CDK13: variants seen among roughly 807,000 people sequenced by gnomAD.
The protein encoded by CDK13 is cyclin-dependent kinase 13.
A neutral mutation model predicts 137.6 loss-of-function variants in CDK13; 40 were observed. The observed-to-expected ratio is 0.29, with a 90% CI of 0.23 to 0.38. The LOEUF (loss-of-function observed/expected upper bound fraction) is 0.38, where lower values mean the gene tolerates loss of function less well. Ranked by LOEUF, CDK13 falls within the 10% of genes least tolerant of loss-of-function variation. The probability of loss-of-function intolerance (pLI) is 1.00; values close to 1 mark genes in which losing one functional copy is unlikely to be tolerated. For synonymous variants in CDK13, 869 were observed against 760.1 expected, an observed-to-expected ratio of 1.14 and a Z score of -2.36; for missense variants, 1,704 against 1,951.8, an observed-to-expected ratio of 0.87 and a Z score of 2.39.
intron 2 of CDK13, among the ~76,000 whole-genome samples, chr7:39,992,089 A>ACG (rs1784467392): frequency 2.2e-5 from 1 of 45,642 alleles, no homozygotes; most frequent in Admixed American, 1.9e-4. Flanking sequence ...ACACACACAC[A>ACG]CACACACACA....
chr7:40,093,494 T>G (rs1329135571), intron 13 of CDK13, among the ~76,000 whole-genome samples: 1 of 152,198 alleles, frequency 6.6e-6, no homozygotes, highest in African/African-American at 2.4e-5. Flanking sequence ...AGAAATAATA[T>G]TTAACTCCAA....
rs368124735 is a variant in CDK13, at chr7:39,952,205, C to T, written c.1211+353C>T. 3.3e-4 allele frequency: 65 copies of T among 198,184 alleles called. 1 individual carries two copies. In the South Asian group the frequency reaches 0.012, roughly 37 times the overall value. 12.3% of individuals were successfully genotyped at this position (198,184 alleles called of 1,614,324 possible). ...GGGTAAACCTAGAGGTGGTTTAAGTCTTAATTTTGAAAGTTCTGTGAAGAG... is the reference window on the plus strand; with the variant it reads ...GGGTAAACCTAGAGGTGGTTTAAGTTTTAATTTTGAAAGTTCTGTGAAGAG... On this transcript the variant is annotated intron_variant, in intron 1 of 13. Coordinates refer to ENST00000181839, the MANE Select transcript of CDK13 (RefSeq NM_003718.5).
intron 12 of CDK13, among the ~76,000 whole-genome samples, chr7:40,089,356 C>T (rs2150545040): frequency 6.6e-6 from 1 of 150,768 alleles, no homozygotes; most frequent in East Asian, 1.9e-4. Context: ...ACGATAATTG[C>T]TTGAACCCAG....
Position 39,950,826 on chromosome 7 carries a change from C to A in CDK13, c.185C>A (p.Ala62Asp). The A allele has an allele frequency of 1.4e-6, 2 of 1,417,324 alleles. No individual in the cohort carries two copies. Among genetic ancestry groups the A allele is most frequent in the South Asian group, 1.5e-5 (1 of 67,464 alleles). 87.8% of individuals were successfully genotyped at this position (1,417,324 alleles called of 1,614,324 possible). The change falls in exon 1 of 14, where the codon GCT (alanine) becomes GAT (aspartate). Residue 62 changes from alanine to aspartate, a missense_variant. Coordinates refer to ENST00000181839, the MANE Select transcript of CDK13 (RefSeq NM_003718.5). ...PPPPPPLLFLAAPGTAAAAAA... is the reference protein window; with the variant it reads ...PPPPPPLLFLDAPGTAAAAAA... ...CCCCCGCCGCCTCTGCTCTTCCTGGCTGCTCCCGGCACGGCCGCCGCCGCA... is the reference window on the plus strand; with the variant it reads ...CCCCCGCCGCCTCTGCTCTTCCTGGATGCTCCCGGCACGGCCGCCGCCGCA...
At chr7:40,039,459 C>T (rs867151355) in intron 5 of CDK13, among the ~76,000 whole-genome samples, 29 of 29,258 alleles carry the variant, frequency 9.9e-4, no homozygotes, top group Middle Eastern at 0.033. Flanking sequence ...TTTTTTTTTG[C>T]GACAGAGTGT....
At chr7:40,007,342 A>G (rs1398064463) in intron 5 of CDK13, among the ~76,000 whole-genome samples, 3 of 152,204 alleles carry the variant, frequency 2.0e-5, no homozygotes, top group African/African-American at 4.8e-5. Context: ...CTGATTCCCA[A>G]ACAGTGTTAG....
chr7:40,049,169 A>T (rs1785820252), intron 7 of CDK13: 1 of 134,898 alleles, frequency 7.4e-6, no homozygotes, highest in Non-Finnish European at 1.6e-5. Flanking sequence ...TACTCCAGCA[A>T]GACTGTCTCC....
At chr7:40,090,314 A>G (rs1212720490) in intron 12 of CDK13, among the ~76,000 whole-genome samples, 1 of 152,164 alleles carries the variant, frequency 6.6e-6, no homozygotes, top group Non-Finnish European at 1.5e-5. Flanking sequence ...CTTACTTTAC[A>G]ACCCTGTTTT....
intron 1 of CDK13, among the ~76,000 whole-genome samples, chr7:39,979,100 T>C (rs1283829051): frequency 6.6e-6 from 1 of 152,124 alleles, no homozygotes; most frequent in Non-Finnish European, 1.5e-5. Flanking sequence ...GGACATGTAA[T>C]AATCGCTGAA....
intron 12 of CDK13, among the ~76,000 whole-genome samples, 174 bp downstream of exon 12, chr7:40,088,505 T>G (rs1786841475): frequency 1.3e-5 from 2 of 152,240 alleles, no homozygotes. Context: ...GCACCACAAT[T>G]TTAAGTAATC....
Position 40,094,628 on chromosome 7 carries a change from T to C in CDK13, c.4187T>C (p.Phe1396Ser), listed in dbSNP as rs1457618352. 6.2e-7 allele frequency: 1 copy of C among 1,614,160 alleles called. No homozygotes were observed. Among genetic ancestry groups the C allele is most frequent in the South Asian group, 1.1e-5 (1 of 91,078 alleles). Residue 1396 changes from phenylalanine to serine, a missense_variant, in exon 14 of 14, where the codon TTT (phenylalanine) becomes TCT (serine). This residue lies in a region of CDK13 where 475 missense variants were observed against 579.3 expected (regional missense o/e 0.82). Transcript: ENST00000181839. ...HSGGPPQPSA[F>S]SESFPSSVAG... ...GGTGGTCCACCTCAGCCTTCTGCCTTTTCTGAGTCATTTCCCAGTTCAGTA... is the reference window on the plus strand; with the variant it reads ...GGTGGTCCACCTCAGCCTTCTGCCTCTTCTGAGTCATTTCCCAGTTCAGTA...
At chr7:40,012,830 T>C (rs948357228) in intron 5 of CDK13, among the ~76,000 whole-genome samples, 5 of 151,564 alleles carry the variant, frequency 3.3e-5, no homozygotes, top group Non-Finnish European at 7.4e-5. Flanking sequence ...GATAATTACT[T>C]GAACCCGGGA....
chr7:40,085,312 G>C (rs1052203330), intron 11 of CDK13, among the ~76,000 whole-genome samples: 2 of 151,242 alleles, frequency 1.3e-5, no homozygotes, highest in African/African-American at 4.9e-5. Flanking sequence ...AGTGAGCCGG[G>C]ATAGCACCAC....
chr7:40,043,552 C>A (rs199977087), intron 5 of CDK13, among the ~76,000 whole-genome samples: 1 of 152,048 alleles, frequency 6.6e-6, no homozygotes, highest in East Asian at 1.9e-4. Context: ...GTGCGTGGTA[C>A]CTCAAACCTG....
chr7:39,967,957 A>T (rs1783908917), intron 1 of CDK13, among the ~76,000 whole-genome samples: 1 of 152,038 alleles, frequency 6.6e-6, no homozygotes, highest in Non-Finnish European at 1.5e-5. Flanking sequence ...TCCTGGGCTC[A>T]AGGAGTCTTC....
intron 5 of CDK13, among the ~76,000 whole-genome samples, chr7:40,027,158 C>T (rs7780996): frequency 0.27 from 40,621 of 151,888 alleles, 6,566 homozygotes; most frequent in Middle Eastern, 0.45. Flanking sequence ...AGCCTGGCCA[C>T]CATGGTGAAA....
Position 40,097,805 on chromosome 7 carries a change from C to G in CDK13, c.*2825C>G, listed in dbSNP as rs1456650987. 1.3e-5 allele frequency: 2 copies of G among 152,044 alleles called. No individual in the cohort carries two copies. Among genetic ancestry groups the G allele is most frequent in the East Asian group, 3.9e-4 (2 of 5,192 alleles). The allele number at this position is 152,044 out of a possible 1,614,324, so 9.4% of individuals were successfully genotyped here. ...AAGTCATTTGTGAAACCTTAAAATG[C>G]CAATTTTAAGGAGTTGTCATTTGTG... is the stretch of plus-strand genomic sequence containing the variant. On this transcript the variant is annotated 3_prime_UTR_variant, in exon 14 of 14. Coordinates refer to ENST00000181839, the MANE Select transcript of CDK13 (RefSeq NM_003718.5).
At chr7:40,017,279 A>G (rs1179324217) in intron 5 of CDK13, among the ~76,000 whole-genome samples, 1 of 152,104 alleles carries the variant, frequency 6.6e-6, no homozygotes, top group Non-Finnish European at 1.5e-5. Flanking sequence ...GTGTAAATCT[A>G]TGTGTATTTG....
In CDK13 at chr7:40,094,193, G is replaced by A. The variant is rs1179237555; in HGVS notation, c.3752G>A (p.Arg1251Gln). ...RILELTPEPD[R>Q]PRILPPDQRP... ...TTGGAGCTAACGCCAGAACCAGACC[G>A]GCCTCGAATTCTGCCTCCTGACCAA... is the stretch of plus-strand genomic sequence containing the variant. The change falls in exon 14 of 14, where the codon CGG (arginine) becomes CAG (glutamine). Residue 1251 changes from arginine to glutamine, a missense_variant. Physicochemically the swap from Arg to Gln is conservative, Grantham distance 43. Around this residue, in one of 5 missense-constraint regions of CDK13, gnomAD observed 475 missense variants for 579.3 expected, o/e 0.82. Transcript: ENST00000181839. The A allele has an allele frequency of 3.7e-6, 6 of 1,613,742 alleles. No homozygotes were observed. In the East Asian group the frequency reaches 8.9e-5, roughly 24 times the overall value.
Sources: gnomAD v4.1 joint callset for allele counts (sites outside exome capture counted in the v4.1 genomes callset) on GRCh38, gnomAD v4.1.1 for gene constraint, gnomAD v4.1.1 regional missense constraint, MANE v1.5 for transcripts, NCBI Gene and HGNC (gene_info 2026-07-23, HGNC 2026-07-21) for gene names.